The following SPATA13 variants were observed in gnomAD, a reference collection of about 807,000 sequenced individuals.
SPATA13 encodes the protein spermatogenesis associated 13.
Under a neutral mutation model 104.0 loss-of-function variants are expected in SPATA13, and 50 were observed. The ratio of observed to expected loss-of-function variants is 0.48; its 90% confidence interval spans 0.38 to 0.61. The LOEUF is 0.61. SPATA13 is among the 20% of genes least tolerant of loss of function. SPATA13 has a pLI of 0.00. For synonymous variants in SPATA13, 606 were observed against 667.5 expected, an observed-to-expected ratio of 0.91 and a Z score of 1.42; for missense variants, 1,524 against 1,690.6, an observed-to-expected ratio of 0.90 and a Z score of 1.73.
At chr13:24,225,744 C>G (rs957400919) in intron 2 of SPATA13, among the ~76,000 whole-genome samples, 18 of 152,166 alleles carry the variant, frequency 1.2e-4, no homozygotes, top group Admixed American at 1.3e-4. Flanking sequence ...TTTGGGCCCC[C>G]AGAAGGGTTG....
chr13:24,149,098 G>A (rs940597931), intron 3 of SPATA13, among the ~76,000 whole-genome samples: 10 of 152,210 alleles, frequency 6.6e-5, no homozygotes, highest in Admixed American at 3.9e-4. Flanking sequence ...AGGGGGGCAG[G>A]AAGAAGCCAT....
chr13:24,164,148 AT>A (rs1279544502), intron 1 of SPATA13, among the ~76,000 whole-genome samples: 27 of 152,238 alleles, frequency 1.8e-4, no homozygotes, highest in African/African-American at 6.5e-4. Context: ...GGAATGTTTA[AT>A]TGTATTTTAC....
upstream of SPATA13, among the ~76,000 whole-genome samples, chr13:24,159,533 A>G (rs909679133): frequency 2.6e-5 from 4 of 152,184 alleles, no homozygotes; most frequent in South Asian, 2.1e-4. Context: ...TTGTACTGAC[A>G]TCTTACATTC....
At chr13:24,116,543 C>G (rs1420204542) in intron 3 of SPATA13, among the ~76,000 whole-genome samples, 2 of 152,150 alleles carry the variant, frequency 1.3e-5, no homozygotes, top group Non-Finnish European at 2.9e-5. Flanking sequence ...ACTTGATCTT[C>G]ATTATCTCAG....
chr13:24,141,428 C>T (rs554548595), intron 3 of SPATA13, among the ~76,000 whole-genome samples: 1 of 152,174 alleles, frequency 6.6e-6, no homozygotes, highest in Non-Finnish European at 1.5e-5. Flanking sequence ...GAATCTTCTG[C>T]CTTTTCCTGC....
intron 2 of SPATA13, among the ~76,000 whole-genome samples, chr13:24,002,156 C>T (rs753135974): frequency 6.6e-6 from 1 of 152,040 alleles, no homozygotes; most frequent in Non-Finnish European, 1.5e-5. Context: ...TAGCTTTTGA[C>T]CTCTGTCACA....
chr13:24,150,230 A>G (rs1284843725), intron 3 of SPATA13, among the ~76,000 whole-genome samples: 1 of 152,046 alleles, frequency 6.6e-6, no homozygotes, highest in Non-Finnish European at 1.5e-5. Flanking sequence ...CACTTCTCCA[A>G]ACACCCTGGG....
rs1392602552 is a variant in SPATA13 at position 24,091,843 on chromosome 13, TA to T, written c.-112+74144del. ...TTGGGGAACAGCCAGGCAAGTTAAA[TA>T]AGGGCAGTTTTCTGGGGATGGCTTT... On this transcript the variant is annotated intron_variant, in intron 3 of 14. Transcript: ENST00000424834. Among the ~76,000 whole-genome samples, 5 of 152,222 alleles carry T rather than the reference TA, an allele frequency of 3.3e-5. No homozygotes were observed. In the East Asian group the frequency reaches 7.7e-4, roughly 24 times the overall value.
intron 2 of SPATA13, among the ~76,000 whole-genome samples, chr13:23,998,200 C>T (rs1008559361): frequency 5.3e-5 from 8 of 152,182 alleles, no homozygotes; most frequent in African/African-American, 1.9e-4. Context: ...ATGTTCCCAC[C>T]CTAGGATGTT....
intron 3 of SPATA13, among the ~76,000 whole-genome samples, chr13:24,093,640 AGGAAAT>A (rs1378056903): frequency 1.3e-5 from 2 of 152,230 alleles, no homozygotes; most frequent in African/African-American, 2.4e-5. Flanking sequence ...AGTCACATAA[AGGAAAT>A]AGAAGCTTGG....
chr13:24,031,808 C>A (rs898626017), intron 3 of SPATA13, among the ~76,000 whole-genome samples: 3 of 152,170 alleles, frequency 2.0e-5, no homozygotes, highest in African/African-American at 4.8e-5. Context: ...AATTTCAGAG[C>A]AGTGGATATC....
Position 24,222,949 on chromosome 13 carries a change from G to A in SPATA13, c.20G>A (p.Arg7Gln), listed in dbSNP as rs1360433813. Residue 7 changes from arginine (R) to glutamine (Q), a missense_variant, in exon 2 of 13, where the codon CGG (arginine) becomes CAG (glutamine). By Grantham distance (43) the Arg-to-Gln change is conservative. Coordinates refer to ENST00000382108, the MANE Select transcript of SPATA13 (RefSeq NM_001166271.3). ...GTGGCCATGACCCAGGCTGCCGTGCGGCCCTGGGCACCCTGCCTGGAGAAC... is the reference window on the plus strand; with the variant it reads ...GTGGCCATGACCCAGGCTGCCGTGCAGCCCTGGGCACCCTGCCTGGAGAAC... MTQAAV[R>Q]PWAPCLENMT... is the part of the protein sequence containing the mutation. 7 of 1,551,032 alleles carry A rather than the reference G, an allele frequency of 4.5e-6. No individual in the cohort carries two copies. The highest frequency in any genetic ancestry group is 2.7e-5 in the African/African-American group (2 of 73,048).
intron 4 of SPATA13, among the ~76,000 whole-genome samples, chr13:24,261,785 A>C (rs1286236266): frequency 1.3e-5 from 2 of 151,802 alleles, no homozygotes; most frequent in Non-Finnish European, 2.9e-5. Context: ...AAAAAAAAAA[A>C]CCGGTTTCAG....
chr13:24,214,694 G>A (rs1487152999), intron 1 of SPATA13, among the ~76,000 whole-genome samples: 1 of 152,188 alleles, frequency 6.6e-6, no homozygotes, highest in African/African-American at 2.4e-5. Flanking sequence ...TGGGTTCCCT[G>A]CATCTGTGTT....
chr13:24,220,181 C>T (rs1429589672), intron 1 of SPATA13, among the ~76,000 whole-genome samples: 1 of 152,178 alleles, frequency 6.6e-6, no homozygotes, highest in East Asian at 1.9e-4. Flanking sequence ...CCTCTGTAGA[C>T]AGCACTGAAA....
At position 24,051,827 on chromosome 13, in the gene SPATA13, A is replaced by G. The variant is rs1431858018; in HGVS notation, c.-112+34126A>G. ...AGAGTTATGTTCTCCAGGGCAGGGC[A>G]GAGGGAGATGCCCAAGGGACAGAGG... On this transcript the variant is annotated intron_variant, in intron 3 of 14. Transcript: ENST00000424834. The surrounding 1 kb of genome is among the most constrained non-coding windows in gnomAD (Gnocchi z 4.2). Among the ~76,000 whole-genome samples, 2 of 152,180 alleles carry G rather than the reference A, an allele frequency of 1.3e-5. No individual in the cohort carries two copies. The highest frequency in any genetic ancestry group is 1.5e-5 in the Non-Finnish European group (1 of 68,026).
chr13:24,186,960 T>C (rs536774655), intron 1 of SPATA13, among the ~76,000 whole-genome samples: 1 of 152,326 alleles, frequency 6.6e-6, no homozygotes, highest in African/African-American at 2.4e-5. Context: ...TCATTATGGG[T>C]CAGATGTGTA....
intron 1 of SPATA13, among the ~76,000 whole-genome samples, chr13:24,169,041 C>A (rs1392658274): frequency 6.6e-6 from 1 of 152,102 alleles, no homozygotes. Flanking sequence ...ATCTAAAATC[C>A]CCAGAGTGGC....
intron 2 of SPATA13, among the ~76,000 whole-genome samples, chr13:24,000,731 C>T (rs971920509): frequency 1.3e-5 from 2 of 151,916 alleles, no homozygotes; most frequent in Non-Finnish European, 2.9e-5. Context: ...TTTGGGAGAG[C>T]TCTGGGTCAG....
Sources: gnomAD v4.1 joint callset for allele counts (sites outside exome capture counted in the v4.1 genomes callset) on GRCh38, gnomAD v4.1.1 for gene constraint, Gnocchi (gnomAD v3.1) non-coding constraint, MANE v1.5 for transcripts, NCBI Gene and HGNC (gene_info 2026-07-23, HGNC 2026-07-21) for gene names.